SRRM4: variants seen among roughly 807,000 people sequenced by gnomAD.
The protein encoded by SRRM4 is serine/arginine repetitive matrix 4, also known as serine/arginine repetitive matrix protein 4.
Under a neutral mutation model 68.9 loss-of-function variants are expected in SRRM4, and 33 were observed. That is an observed-to-expected ratio of 0.48 (90% confidence interval 0.36 to 0.64). The LOEUF is 0.64. Among genes scored for constraint, SRRM4 ranks in the 30% least tolerant of loss-of-function variants. The probability of loss-of-function intolerance (pLI) is 0.00; values close to 1 mark genes in which losing one functional copy is unlikely to be tolerated. For synonymous variants in SRRM4, 318 were observed against 318.8 expected (o/e 1.00, Z 0.03); for missense variants, 817 against 827.1 (o/e 0.99, Z 0.15).
chr12:119,137,468 C>G lies in SRRM4; in HGVS notation c.771+6634C>G, dbSNP rs114276579. 8.5e-3 allele frequency among the ~76,000 whole-genome samples: 1,297 copies of G among 152,122 alleles called. 23 individuals carry two copies. The highest frequency in any genetic ancestry group is 0.029 in the African/African-American group (1,222 of 41,482). On this transcript the variant is annotated intron_variant, in intron 8 of 12. Transcript: ENST00000267260. Reference sequence around the variant, plus strand: ...CTTCCCTGGAGGGCTGAGAGAGACTCCCAGTGAAACGCCAGGGAGCTGGAG... The same window carrying G: ...CTTCCCTGGAGGGCTGAGAGAGACTGCCAGTGAAACGCCAGGGAGCTGGAG...
intron 1 of SRRM4, among the ~76,000 whole-genome samples, chr12:119,025,476 C>G (rs976596452): frequency 2.0e-5 from 3 of 151,596 alleles, no homozygotes; most frequent in Non-Finnish European, 4.4e-5. Flanking sequence ...CTGAGTTTCA[C>G]TCTTGTTGCC....
At chr12:119,077,915 C>T (rs184025018) in intron 1 of SRRM4, among the ~76,000 whole-genome samples, 2 of 152,084 alleles carry the variant, frequency 1.3e-5, no homozygotes, top group Non-Finnish European at 2.9e-5. Flanking sequence ...TCCAGATGCC[C>T]CACATATAGG....
intron 2 of SRRM4, among the ~76,000 whole-genome samples, chr12:119,104,513 G>T (rs1488966809): frequency 6.6e-6 from 1 of 151,190 alleles, no homozygotes; most frequent in Non-Finnish European, 1.5e-5. Context: ...TATAATAACA[G>T]AAACCCCTTA....
Position 119,132,847 on chromosome 12 carries a change from G to A in SRRM4, c.771+2013G>A, listed in dbSNP as rs1002709967. Among the ~76,000 whole-genome samples, 4 of 152,158 alleles carry A rather than the reference G, an allele frequency of 2.6e-5. No homozygotes were observed. The South Asian group carries it at 6.2e-4, about 24-fold the overall frequency. ...AATGATTCACATGGGCCATGGCAAG[G>A]CAGAGTTATTTAAAAACATGGAATT... On this transcript the variant is annotated intron_variant, in intron 8 of 12. Transcript: ENST00000267260.
At chr12:119,047,559 G>C (rs1043961064) in intron 1 of SRRM4, among the ~76,000 whole-genome samples, 5 of 152,034 alleles carry the variant, frequency 3.3e-5, no homozygotes, top group South Asian at 2.1e-4. Flanking sequence ...AGTTAAGCTC[G>C]CATTTGTGAG....
At position 119,100,722 on chromosome 12, in the gene SRRM4, G is replaced by C. The variant is rs145335916; in HGVS notation, c.132-1514G>C. 2.0e-3 allele frequency among the ~76,000 whole-genome samples: 301 copies of C among 152,334 alleles called. 1 individual carries two copies. The highest frequency in any genetic ancestry group is 6.6e-3 in the African/African-American group (276 of 41,574). ...TATGGGAAGAGGCAAGCCTTGCTGG[G>C]TGTTAGGCAGAAAATAGAAGCTTTG... On this transcript the variant is annotated intron_variant, in intron 1 of 12. Transcript: ENST00000267260.
At chr12:119,017,214 T>A (rs1416644834) in intron 1 of SRRM4, among the ~76,000 whole-genome samples, 1 of 152,222 alleles carries the variant, frequency 6.6e-6, no homozygotes, top group African/African-American at 2.4e-5. Context: ...CTTGGATGAG[T>A]GAATGAATGA....
At chr12:119,002,738 T>G (rs902498959) in intron 1 of SRRM4, among the ~76,000 whole-genome samples, 1 of 152,156 alleles carries the variant, frequency 6.6e-6, no homozygotes, top group Non-Finnish European at 1.5e-5. Flanking sequence ...CCGTGTTTGG[T>G]GCAGGACTAG....
chr12:119,088,433 A>G (rs1263830064), intron 1 of SRRM4, among the ~76,000 whole-genome samples: 1 of 152,198 alleles, frequency 6.6e-6, no homozygotes, highest in Non-Finnish European at 1.5e-5. Context: ...GAAGTTACTG[A>G]GCCTCCTTCA....
chr12:119,010,827 A>G (rs1193396219), intron 1 of SRRM4, among the ~76,000 whole-genome samples: 3 of 152,238 alleles, frequency 2.0e-5, no homozygotes, highest in Non-Finnish European at 4.4e-5. Flanking sequence ...AATATGCATA[A>G]TTATGGAATA....
At chr12:119,067,648 C>T (rs1230711573) in intron 1 of SRRM4, among the ~76,000 whole-genome samples, 3 of 152,014 alleles carry the variant, frequency 2.0e-5, no homozygotes, top group East Asian at 1.9e-4. Flanking sequence ...GTGGAGGTTG[C>T]GGTGAGGCAA....
At chr12:119,072,802 C>T (rs781561353) in intron 1 of SRRM4, among the ~76,000 whole-genome samples, 3 of 152,206 alleles carry the variant, frequency 2.0e-5, no homozygotes, top group Non-Finnish European at 2.9e-5. Context: ...AGGCACTTCA[C>T]ATGCATGAAT....
At chr12:119,023,275 T>A (rs970632949) in intron 1 of SRRM4, among the ~76,000 whole-genome samples, 2 of 152,090 alleles carry the variant, frequency 1.3e-5, no homozygotes, top group Non-Finnish European at 2.9e-5. Flanking sequence ...CATGAACTAA[T>A]CCCTGGGTCA....
chr12:119,040,705 A>G (rs1555215265), intron 1 of SRRM4, among the ~76,000 whole-genome samples: 4 of 152,034 alleles, frequency 2.6e-5, no homozygotes, highest in Non-Finnish European at 2.9e-5. Flanking sequence ...CAGGGTAGAT[A>G]CCCAGTAGTG....
chr12:119,129,360 T>G (rs748467299), intron 7 of SRRM4, among the ~76,000 whole-genome samples: 26 of 152,338 alleles, frequency 1.7e-4, no homozygotes, highest in Non-Finnish European at 2.9e-4. Flanking sequence ...CCTTTGGTTT[T>G]TACTGCAGAC....
intron 1 of SRRM4, among the ~76,000 whole-genome samples, chr12:119,035,201 G>C (rs764412500): frequency 6.6e-6 from 1 of 151,880 alleles, no homozygotes; most frequent in Non-Finnish European, 1.5e-5. Flanking sequence ...TATATAATTC[G>C]TGGGTCACAA....
intron 1 of SRRM4, among the ~76,000 whole-genome samples, chr12:119,051,561 T>C (rs1953742532): frequency 6.6e-6 from 1 of 152,192 alleles, no homozygotes; most frequent in Non-Finnish European, 1.5e-5. Context: ...GATTACTCCA[T>C]GGGGCTGTAT....
At chr12:119,137,407 A>G (rs898450372) in intron 8 of SRRM4, among the ~76,000 whole-genome samples, 2 of 152,216 alleles carry the variant, frequency 1.3e-5, no homozygotes, top group Admixed American at 1.3e-4. Context: ...TGATTAAATA[A>G]TGATTTGAAA....
chr12:119,134,602 C>G (rs1954317292), intron 8 of SRRM4, among the ~76,000 whole-genome samples: 1 of 152,078 alleles, frequency 6.6e-6, no homozygotes, highest in Non-Finnish European at 1.5e-5. Flanking sequence ...TCACCCAACC[C>G]CAGTCAACCT....
Sources: gnomAD v4.1 joint callset for allele counts (sites outside exome capture counted in the v4.1 genomes callset) on GRCh38, gnomAD v4.1.1 for gene constraint, MANE v1.5 for transcripts, NCBI Gene and HGNC (gene_info 2026-07-23, HGNC 2026-07-21) for gene names.